EXOC4: variants seen among roughly 807,000 people sequenced by gnomAD.
EXOC4 encodes SEC8-like 1.
In EXOC4, 71 loss-of-function variants were observed where a neutral mutation model predicts 107.2. That is an observed-to-expected ratio of 0.66 (90% CI 0.55 to 0.81). The LOEUF (loss-of-function observed/expected upper bound fraction) is 0.81. Among genes scored for constraint, EXOC4 ranks in the 30% least tolerant of loss-of-function variants. EXOC4 has a pLI of 0.00. For missense variants in EXOC4, 1,108 were observed against 1,189.6 expected, an observed-to-expected ratio of 0.93 and a Z score of 1.01; for synonymous variants, 456 against 441.2, an observed-to-expected ratio of 1.03 and a Z score of -0.42.
chr7:134,043,578 C>T lies in EXOC4; in HGVS notation c.2688-20713C>T, dbSNP rs570730600. On this transcript the variant is annotated intron_variant, in intron 17 of 17. Coordinates refer to ENST00000253861, the MANE Select transcript of EXOC4 (RefSeq NM_021807.4). ...TCTGGAAAGGGAGGGACACCCACAG[C>T]CACCTGGTTTGGTGCATTCAGGGTC... 2.6e-5 allele frequency among the ~76,000 whole-genome samples: 4 copies of T among 152,156 alleles called. No homozygotes were observed. The East Asian group carries it at 7.7e-4, about 29-fold the overall frequency.
At chr7:133,391,827 G>A (rs1434758658) in intron 7 of EXOC4, among the ~76,000 whole-genome samples, 2 of 152,104 alleles carry the variant, frequency 1.3e-5, no homozygotes, top group African/African-American at 2.4e-5. Context: ...ATTAACATTG[G>A]CAGTGCTTGC....
intron 11 of EXOC4, among the ~76,000 whole-genome samples, chr7:133,886,113 C>T (rs558168339): frequency 6.6e-6 from 1 of 152,194 alleles, no homozygotes; most frequent in South Asian, 2.1e-4. Context: ...AAACACTGTC[C>T]AGTAGATGTG....
chr7:133,528,522 T>A (rs1156469161), intron 9 of EXOC4, among the ~76,000 whole-genome samples: 2 of 152,136 alleles, frequency 1.3e-5, no homozygotes, highest in Non-Finnish European at 2.9e-5. Context: ...GTTGTCACTG[T>A]CAGTTGGTTT....
chr7:133,502,362 ATTG>A (rs904257394), intron 9 of EXOC4, among the ~76,000 whole-genome samples: 1 of 152,082 alleles, frequency 6.6e-6, no homozygotes, highest in African/African-American at 2.4e-5. Context: ...GCACAGCAAT[ATTG>A]TTGTGTTCCT....
At chr7:133,280,251 C>T (rs1794102228) in intron 2 of EXOC4, among the ~76,000 whole-genome samples, 1 of 152,220 alleles carries the variant, frequency 6.6e-6, no homozygotes, top group African/African-American at 2.4e-5. Context: ...AGTTCTATTA[C>T]TTTTGAATGC....
chr7:133,518,285 C>T lies in EXOC4; in HGVS notation c.1417+38147C>T, dbSNP rs72499580. ...GCAGAGATGGTAAGAAATTTTGCCCCCCACCCCCTTTTTTTTTTCGTTACA... is the reference window on the plus strand; with the variant it reads ...GCAGAGATGGTAAGAAATTTTGCCCTCCACCCCCTTTTTTTTTTCGTTACA... On this transcript the variant is annotated intron_variant, in intron 9 of 17. Coordinates refer to ENST00000253861, the MANE Select transcript of EXOC4 (RefSeq NM_021807.4). Among the ~76,000 whole-genome samples the T allele has an allele frequency of 3.0e-4, 45 of 151,366 alleles. 1 individual carries two copies. The East Asian group carries it at 8.2e-3, about 27-fold the overall frequency.
intron 13 of EXOC4, among the ~76,000 whole-genome samples, chr7:133,925,073 T>A (rs182481439): frequency 3.3e-5 from 5 of 152,334 alleles, no homozygotes; most frequent in Non-Finnish European, 4.4e-5. Context: ...TAGAGTACCA[T>A]AGAATATGGC....
chr7:133,476,338 G>A (rs1205636173), intron 8 of EXOC4, among the ~76,000 whole-genome samples: 1 of 152,138 alleles, frequency 6.6e-6, no homozygotes, highest in Non-Finnish European at 1.5e-5. Context: ...TAGCTAGCAT[G>A]TGGTAGAAGG....
intron 10 of EXOC4, among the ~76,000 whole-genome samples, chr7:133,805,195 T>C (rs1472849548): frequency 1.3e-5 from 2 of 152,222 alleles, no homozygotes; most frequent in African/African-American, 4.8e-5. Context: ...TAAAGGCATC[T>C]GGGAAAACTT....
intron 7 of EXOC4, among the ~76,000 whole-genome samples, chr7:133,417,158 C>G (rs1374877334): frequency 6.6e-6 from 1 of 152,086 alleles, no homozygotes; most frequent in Non-Finnish European, 1.5e-5. Flanking sequence ...GGCGACATGG[C>G]AATTTCCTTA....
intron 9 of EXOC4, among the ~76,000 whole-genome samples, chr7:133,591,594 G>GTA (rs1585018476): frequency 1.3e-5 from 2 of 151,534 alleles, no homozygotes; most frequent in East Asian, 3.9e-4. Context: ...GTGTGTGTGT[G>GTA]TATTTTCTAG....
chr7:133,512,808 C>A (rs1312154868), intron 9 of EXOC4, among the ~76,000 whole-genome samples: 1 of 152,154 alleles, frequency 6.6e-6, no homozygotes, highest in East Asian at 1.9e-4. Flanking sequence ...TCATTCTCAT[C>A]TTCAGGGAGG....
At chr7:133,352,701 TA>T (rs1365025721) in intron 5 of EXOC4, among the ~76,000 whole-genome samples, 7 of 152,066 alleles carry the variant, frequency 4.6e-5, no homozygotes, top group African/African-American at 7.2e-5. Context: ...CTATATGCAT[TA>T]TTTTTTTTAC....
chr7:133,498,268 A>G (rs1178507166), intron 9 of EXOC4, among the ~76,000 whole-genome samples: 3 of 152,102 alleles, frequency 2.0e-5, no homozygotes, highest in Admixed American at 6.6e-5. Context: ...GTGCCTTACA[A>G]ACCCATTTAC....
chr7:133,279,212 A>T (rs1387059666), intron 2 of EXOC4, among the ~76,000 whole-genome samples: 1 of 152,158 alleles, frequency 6.6e-6, no homozygotes, highest in Non-Finnish European at 1.5e-5. Flanking sequence ...CTTAATCCAG[A>T]CTATCATTGT....
At chr7:133,254,686 G>A (rs747585841) in intron 1 of EXOC4, among the ~76,000 whole-genome samples, 1 of 152,186 alleles carries the variant, frequency 6.6e-6, no homozygotes, top group Non-Finnish European at 1.5e-5. Context: ...CAGGCACAGT[G>A]TTACCCTTGA....
chr7:133,829,692 C>T (rs993876910), intron 11 of EXOC4, among the ~76,000 whole-genome samples: 2 of 152,234 alleles, frequency 1.3e-5, no homozygotes, highest in Non-Finnish European at 2.9e-5. Flanking sequence ...AAATGGGGTT[C>T]ATCCTCACCT....
chr7:133,272,031 G>A (rs1364118443), intron 1 of EXOC4, among the ~76,000 whole-genome samples: 2 of 152,118 alleles, frequency 1.3e-5, no homozygotes, highest in Non-Finnish European at 2.9e-5. Context: ...TGTCTTTGCT[G>A]CTGCCATTAC....
chr7:133,906,862 C>T (rs1011662760), intron 12 of EXOC4, among the ~76,000 whole-genome samples: 1 of 152,220 alleles, frequency 6.6e-6, no homozygotes, highest in Non-Finnish European at 1.5e-5. Flanking sequence ...CCTAATCAAG[C>T]TGAACACTAG....
Sources: allele counts gnomAD v4.1 joint callset (sites outside exome capture counted in the v4.1 genomes callset), GRCh38; gene constraint gnomAD v4.1.1; transcripts MANE v1.5; gene names NCBI Gene and HGNC (gene_info 2026-07-23, HGNC 2026-07-21).